DDHD1: variants seen among roughly 807,000 people sequenced by gnomAD.
The protein encoded by DDHD1 is phospholipase DDHD1.
In DDHD1, 49 loss-of-function variants were observed where a neutral mutation model predicts 96.4. The observed-to-expected ratio is 0.51, with a 90% CI of 0.40 to 0.64. The LOEUF (loss-of-function observed/expected upper bound fraction) is 0.64. Among genes scored for constraint, DDHD1 ranks in the 30% least tolerant of loss-of-function variants. The pLI, the probability that DDHD1 is intolerant of heterozygous loss-of-function variation, is 0.00. For missense variants in DDHD1, 1,106 were observed against 1,161.2 expected (o/e 0.95, Z 0.69); for synonymous variants, 442 against 446.5 (o/e 0.99, Z 0.13).
chr14:53,046,729 A>G lies in DDHD1; in HGVS notation c.*39T>C, dbSNP rs1882036696. 2.1e-6 allele frequency: 3 copies of G among 1,418,606 alleles called. No individual in the cohort carries two copies. The Admixed American group carries it at 7.5e-5, about 35-fold the overall frequency. 87.9% of individuals were successfully genotyped at this position (1,418,606 alleles called of 1,614,324 possible). A position where few individuals can be genotyped will look rare whatever the true frequency, so the allele number is the denominator to read the frequency against. ...ACACACACATTTTAACGGAAAAAAA[A>G]AAAATCAGTTTTAGGCCATTCATGT... is the stretch of plus-strand genomic sequence containing the variant. On this transcript the variant is annotated 3_prime_UTR_variant, in exon 13 of 13. Coordinates refer to ENST00000673822, the MANE Select transcript of DDHD1 (RefSeq NM_001160148.2).
chr14:53,152,144 C>CGTAACATTAAA, intron 1 of DDHD1, 117 bp downstream of exon 1: 1 of 1,078,260 alleles, frequency 9.3e-7, no homozygotes, highest in East Asian at 2.8e-5. Flanking sequence ...CTGCCCCAGC[C>CGTAACATTAAA]AAACGCCAGG....
At chr14:53,064,544 C>T (rs1298661244) in intron 6 of DDHD1, among the ~76,000 whole-genome samples, 1 of 151,982 alleles carries the variant, frequency 6.6e-6, no homozygotes, top group African/African-American at 2.4e-5. Context: ...GTTTGGCAAT[C>T]ATATATGGGT....
At position 53,055,888 on chromosome 14, in the gene DDHD1, G is replaced by C. The variant is rs1012841763; in HGVS notation, c.2017C>G (p.Leu673Val). ...PVAYRLEPLI[L>V]KHYSNISPVQ... ...GGTGAAATGTTGCTGTAGTGTTTCAGTATTAATGGTTCTAATCTATAAGCC... is the reference window on the plus strand; with the variant it reads ...GGTGAAATGTTGCTGTAGTGTTTCACTATTAATGGTTCTAATCTATAAGCC... The change falls in exon 10 of 13, where the codon CTG (leucine) becomes GTG (valine). Residue 673 changes from leucine to valine, a missense_variant. Leu to Val is a conservative substitution (Grantham distance 32). Around this residue, in one of 2 missense-constraint regions of DDHD1, gnomAD observed 650 missense variants for 758.8 expected, o/e 0.86. Transcript: ENST00000673822. 6.2e-7 allele frequency: 1 copy of C among 1,612,798 alleles called. No homozygotes were observed.
At chr14:53,135,474 T>G (rs1472805936) in intron 1 of DDHD1, among the ~76,000 whole-genome samples, 1 of 152,224 alleles carries the variant, frequency 6.6e-6, no homozygotes. Flanking sequence ...TCAGCCCAAC[T>G]GCACCCAGGT....
chr14:53,142,871 T>G (rs540977350), intron 1 of DDHD1, among the ~76,000 whole-genome samples: 1 of 152,046 alleles, frequency 6.6e-6, no homozygotes, highest in South Asian at 2.1e-4. Context: ...CATTTGAGAG[T>G]TGATTATCAA....
chr14:53,058,413 C>G, intron 9 of DDHD1, 64 bp downstream of exon 9: 1 of 1,537,238 alleles, frequency 6.5e-7, no homozygotes, highest in Non-Finnish European at 8.8e-7. Context: ...CTGTGCCCAG[C>G]TGATAGATTC....
At chr14:53,082,281 G>T (rs1048039213) in intron 4 of DDHD1, among the ~76,000 whole-genome samples, 1 of 151,794 alleles carries the variant, frequency 6.6e-6, no homozygotes, top group Non-Finnish European at 1.5e-5. Context: ...TACAACTGAG[G>T]ATCATTAAAT....
intron 1 of DDHD1, among the ~76,000 whole-genome samples, chr14:53,136,901 A>T (rs970513083): frequency 2.0e-5 from 3 of 152,250 alleles, no homozygotes. Context: ...TATGCCTAAC[A>T]GGTATCCAAA....
At chr14:53,138,214 G>C (rs1310361038) in intron 1 of DDHD1, among the ~76,000 whole-genome samples, 1 of 152,192 alleles carries the variant, frequency 6.6e-6, no homozygotes, top group Non-Finnish European at 1.5e-5. Context: ...AGATCAGCTT[G>C]GCCAACATGG....
At position 53,061,121 on chromosome 14, in the gene DDHD1, C is replaced by A. The variant is rs1362588657; in HGVS notation, c.1842+5G>T. 1 of 1,607,042 alleles carries A rather than the reference C, an allele frequency of 6.2e-7. No individual in the cohort carries two copies. Among genetic ancestry groups the A allele is most frequent in the East Asian group, 2.2e-5 (1 of 44,752 alleles). On this transcript the variant is annotated splice_donor_5th_base_variant and intron_variant, in intron 8 of 12. Transcript: ENST00000673822. The stretch of plus-strand genomic sequence containing the variant: ...ATGTTGAAGAACACATTGCTCTTTC[C>A]TTACCTTAAATTTTAAGGCAGGTGT...
In DDHD1 at chr14:53,058,438, T is replaced by C. The variant is rs562478879; in HGVS notation, c.1992+39A>G. Reference sequence around the variant, plus strand: ...CTGATAGATTCTTTTTAGGAACAATTTGACATTGAGAAAAAAAAGAGTCTA... The same window carrying C: ...CTGATAGATTCTTTTTAGGAACAATCTGACATTGAGAAAAAAAAGAGTCTA... On this transcript the variant is annotated intron_variant, in intron 9 of 12. Transcript: ENST00000673822. 19 of 1,573,752 alleles carry C rather than the reference T, an allele frequency of 1.2e-5. No homozygotes were observed. The South Asian group carries it at 1.3e-4, about 11-fold the overall frequency.
chr14:53,072,218 C>T (rs1199218448), intron 6 of DDHD1, among the ~76,000 whole-genome samples: 2 of 152,032 alleles, frequency 1.3e-5, no homozygotes, highest in Non-Finnish European at 2.9e-5. Flanking sequence ...AGCTCCACTA[C>T]CATTTGAAAA....
intron 1 of DDHD1, among the ~76,000 whole-genome samples, chr14:53,117,869 CCT>C (rs1200813028): frequency 2.0e-5 from 3 of 152,174 alleles, no homozygotes; most frequent in Non-Finnish European, 4.4e-5. Context: ...GTCCCTGACC[CCT>C]GTGTTGCCTG....
chr14:53,103,626 C>T (rs1887475908), intron 2 of DDHD1, 57 bp downstream of exon 2: 1 of 1,390,558 alleles, frequency 7.2e-7, no homozygotes, highest in African/African-American at 1.5e-5. Context: ...CCACTCTAAA[C>T]TTTATCAACA....
chr14:53,110,946 C>T (rs1888055152), intron 1 of DDHD1, among the ~76,000 whole-genome samples: 1 of 152,144 alleles, frequency 6.6e-6, no homozygotes, highest in South Asian at 2.1e-4. Context: ...ATCGCACCTG[C>T]ACTCCAGCCT....
chr14:53,153,201 A>C lies in DDHD1; in HGVS notation c.-103T>G. On this transcript the variant is annotated 5_prime_UTR_variant, in exon 1 of 13. Coordinates refer to ENST00000673822, the MANE Select transcript of DDHD1 (RefSeq NM_001160148.2). ...CCGCCCTCTCCACCCGAAGTTTCTA[A>C]TCTTTCAAATCCCGACCCGAGCTGC... The C allele has an allele frequency of 2.8e-6, 3 of 1,069,126 alleles. No individual in the cohort carries two copies. The highest frequency in any genetic ancestry group is 3.7e-6 in the Non-Finnish European group (3 of 809,734). The allele number at this position is 1,069,126 out of a possible 1,614,324, so 66.2% of individuals were successfully genotyped here.
Position 53,039,173 on chromosome 14 carries a change from G to T in DDHD1, c.*7595C>A, listed in dbSNP as rs2150541. The stretch of plus-strand genomic sequence containing the variant: ...TTGCTTCAGTTCTCCAGGAACTCTT[G>T]GCTCATTTCTTGTGTATGCTTCCTT... On this transcript the variant is annotated 3_prime_UTR_variant, in exon 13 of 13. Coordinates refer to ENST00000673822, the MANE Select transcript of DDHD1 (RefSeq NM_001160148.2). 0.56 allele frequency: 84,725 copies of T among 152,056 alleles called. 25,360 individuals carry two copies. Among genetic ancestry groups the T allele is most frequent in the South Asian group, 0.68 (3,273 of 4,824 alleles). 9.4% of individuals were successfully genotyped at this position (152,056 alleles called of 1,614,324 possible).
rs781706831 is a variant in DDHD1, at chr14:53,054,671, C to T, written c.2246-42G>A. On this transcript the variant is annotated intron_variant, in intron 10 of 12. Transcript: ENST00000673822. ...AGGGTAGTCATTCTGTTGAATCACA[C>T]CACACTCTAAGCTAAAGAGCACCAC... The T allele has an allele frequency of 6.9e-6, 11 of 1,589,824 alleles. No individual in the cohort carries two copies. In the Admixed American group the frequency reaches 1.8e-4, roughly 27 times the overall value.
chr14:53,061,320 TC>T lies in DDHD1; in HGVS notation c.1767-120del, dbSNP rs1883532669. ...GATGGCCCACTATCCCTCACATTAA[TC>T]CTGGTTGACAGTATTTAATAAATGT... On this transcript the variant is annotated intron_variant, in intron 7 of 12. Transcript: ENST00000673822. The T allele has an allele frequency of 4.2e-6, 3 of 717,428 alleles. No individual in the cohort carries two copies. In the African/African-American group the frequency reaches 5.5e-5, roughly 13 times the overall value. 44.4% of individuals were successfully genotyped at this position (717,428 alleles called of 1,614,324 possible). A position where few individuals can be genotyped will look rare whatever the true frequency, so the allele number is the denominator to read the frequency against.
Sources: allele counts gnomAD v4.1 joint callset (sites outside exome capture counted in the v4.1 genomes callset), GRCh38; gene constraint gnomAD v4.1.1; regional missense constraint gnomAD v4.1.1; transcripts MANE v1.5; gene names NCBI Gene and HGNC (gene_info 2026-07-23, HGNC 2026-07-21).